The following XKR6 variants were observed in gnomAD, a reference collection of about 807,000 sequenced individuals.
The protein encoded by XKR6 is XK related 6.
In XKR6, 22 loss-of-function variants were observed where a neutral mutation model predicts 56.7. The observed-to-expected ratio is 0.39, with a 90% CI of 0.28 to 0.55. XKR6 has a LOEUF of 0.55. Ranked by LOEUF, XKR6 falls within the 20% of genes least tolerant of loss-of-function variation. XKR6 has a pLI of 0.66. For missense variants in XKR6, 852 were observed against 889.0 expected, an observed-to-expected ratio of 0.96 and a Z score of 0.53; for synonymous variants, 524 against 387.8, an observed-to-expected ratio of 1.35 and a Z score of -4.13.
chr8:10,961,454 G>A (rs998728335), intron 1 of XKR6, among the ~76,000 whole-genome samples: 7 of 152,242 alleles, frequency 4.6e-5, no homozygotes, highest in African/African-American at 1.4e-4. Context: ...GGCGGCTGGG[G>A]AAATAGGAGT....
At position 11,132,786 on chromosome 8, in the gene XKR6, C is replaced by G. The variant is rs77127210; in HGVS notation, c.764+67790G>C. ...ACGCACGCACACACACACACACACA[C>G]GCACATTTTTTTTCTTGGAAGACTT... On this transcript the variant is annotated intron_variant, in intron 1 of 2. Transcript: ENST00000416569. Among the ~76,000 whole-genome samples, 5 of 151,094 alleles carry G rather than the reference C, an allele frequency of 3.3e-5. No individual in the cohort carries two copies. In the East Asian group the frequency reaches 7.7e-4, roughly 23 times the overall value.
chr8:11,122,416 A>G (rs1370406977), intron 1 of XKR6, among the ~76,000 whole-genome samples: 1 of 152,262 alleles, frequency 6.6e-6, no homozygotes, highest in African/African-American at 2.4e-5. Flanking sequence ...ATTCAGCAGG[A>G]TGACAGGAGG....
intron 1 of XKR6, among the ~76,000 whole-genome samples, chr8:11,045,132 G>C (rs910575683): frequency 1.7e-5 from 2 of 120,760 alleles, no homozygotes; most frequent in Admixed American, 1.1e-4. Context: ...TGTCGCCCAG[G>C]CCGGAGTGCA....
At chr8:11,124,970 T>C (rs746817458) in intron 1 of XKR6, among the ~76,000 whole-genome samples, 7 of 148,372 alleles carry the variant, frequency 4.7e-5, no homozygotes, top group Non-Finnish European at 1.0e-4. Flanking sequence ...ATGCCTGTAG[T>C]CCCAGCTACT....
chr8:11,082,744 C>T (rs1797765503), intron 1 of XKR6, among the ~76,000 whole-genome samples: 1 of 152,214 alleles, frequency 6.6e-6, no homozygotes, highest in African/African-American at 2.4e-5. Context: ...TCAGGTTTGA[C>T]AGAGCCTGGC....
intron 1 of XKR6, among the ~76,000 whole-genome samples, chr8:11,069,760 T>C (rs573571141): frequency 2.0e-5 from 3 of 152,092 alleles, no homozygotes; most frequent in African/African-American, 7.2e-5. Context: ...CTCCAGAGCC[T>C]TCAGTGCACT....
chr8:11,167,401 C>T (rs892887116), intron 1 of XKR6, among the ~76,000 whole-genome samples: 2 of 152,168 alleles, frequency 1.3e-5, no homozygotes, highest in African/African-American at 4.8e-5. Flanking sequence ...TTTAGTGACT[C>T]CATTCCAACC....
chr8:10,954,754 C>T (rs189877533), intron 1 of XKR6, among the ~76,000 whole-genome samples: 78 of 151,702 alleles, frequency 5.1e-4, no homozygotes, highest in African/African-American at 1.5e-3. Flanking sequence ...TGAAGGTTTA[C>T]GCCTATGTTT....
At chr8:11,063,066 T>C (rs371570531) in intron 1 of XKR6, 7 of 342,102 alleles carry the variant, frequency 2.0e-5, no homozygotes, top group Non-Finnish European at 4.0e-5. Flanking sequence ...AAGGAATAAA[T>C]TTAAATCCTA....
intron 1 of XKR6, among the ~76,000 whole-genome samples, chr8:11,157,601 G>A (rs1010452148): frequency 1.3e-5 from 2 of 152,128 alleles, no homozygotes; most frequent in Admixed American, 6.5e-5. Context: ...CTGCAGCCTC[G>A]AATTCCTGGA....
rs753230172 is a variant in XKR6 at position 10,924,668 on chromosome 8, G to A, written c.927C>T (p.Ile309=). 1.5e-5 allele frequency: 24 copies of A among 1,612,034 alleles called. No homozygotes were observed. The Admixed American group carries it at 4.0e-4, about 27-fold the overall frequency. Residue 309 remains isoleucine, a synonymous_variant, in exon 2 of 3, where the codon ATC becomes ATT. Transcript: ENST00000416569. ...SAPQLVLQLY[I]MLQKNSAETL... The stretch of plus-strand genomic sequence containing the variant: ...TCTCGGCGCTGTTCTTCTGGAGCAT[G>A]ATGTAGAGCTGTAGCACCAGTTGGG...
chr8:10,950,674 C>T (rs907610784), intron 1 of XKR6, among the ~76,000 whole-genome samples: 8 of 152,174 alleles, frequency 5.3e-5, no homozygotes, highest in Non-Finnish European at 5.9e-5. Flanking sequence ...ATAATTCATT[C>T]GTTCATACCT....
rs1394627710 is a variant in XKR6 at position 10,897,147 on chromosome 8, T to A, written c.*805A>T. ...AGGCAAATGCTAAAATGGCACATAA[T>A]CAGCCTTCAAGTAGCTTCTCCAGCC... is the stretch of plus-strand genomic sequence containing the variant. On this transcript the variant is annotated 3_prime_UTR_variant, in exon 3 of 3. Transcript: ENST00000416569. The A allele has an allele frequency of 6.6e-6, 1 of 152,644 alleles. No individual in the cohort carries two copies. The highest frequency in any genetic ancestry group is 1.5e-5 in the Non-Finnish European group (1 of 68,036). The allele number at this position is 152,644 out of a possible 1,614,324, so 9.5% of individuals were successfully genotyped here. A position where few individuals can be genotyped will look rare whatever the true frequency, so the allele number is the denominator to read the frequency against.
At chr8:10,947,916 G>T in intron 1 of XKR6, among the ~76,000 whole-genome samples, 1 of 152,138 alleles carries the variant, frequency 6.6e-6, no homozygotes. Flanking sequence ...TTCAGCTCTG[G>T]GCTCAAATGC....
At position 11,200,528 on chromosome 8, in the gene XKR6, A is replaced by T; in HGVS notation, c.764+48T>A. ...GCCCCGCGAAGCACCGGGAGGGCGG[A>T]GGGGGGCTCCTCAGGGCCGGCCCGC... On this transcript the variant is annotated intron_variant, in intron 1 of 2. Coordinates refer to ENST00000416569, the MANE Select transcript of XKR6 (RefSeq NM_173683.4). The surrounding 1 kb of genome is among the most constrained non-coding windows in gnomAD (Gnocchi z 6.4). The T allele has an allele frequency of 7.1e-7, 1 of 1,407,364 alleles. No homozygotes were observed. Among genetic ancestry groups the T allele is most frequent in the Non-Finnish European group, 9.2e-7 (1 of 1,088,848 alleles). 87.2% of individuals were successfully genotyped at this position (1,407,364 alleles called of 1,614,324 possible). A position where few individuals can be genotyped will look rare whatever the true frequency, so the allele number is the denominator to read the frequency against.
At chr8:11,000,815 G>A (rs570058301) in intron 1 of XKR6, among the ~76,000 whole-genome samples, 40 of 152,278 alleles carry the variant, frequency 2.6e-4, no homozygotes, top group African/African-American at 6.3e-4. Flanking sequence ...GTGAAGGGCC[G>A]GAATGGAAGT....
intron 1 of XKR6, among the ~76,000 whole-genome samples, chr8:11,166,467 T>A (rs1370531885): frequency 2.6e-5 from 4 of 152,068 alleles, no homozygotes; most frequent in Non-Finnish European, 2.9e-5. Context: ...TAGTCTATGG[T>A]GGGATTTTGT....
At chr8:11,056,996 C>T (rs184986185) in intron 1 of XKR6, among the ~76,000 whole-genome samples, 5 of 152,220 alleles carry the variant, frequency 3.3e-5, no homozygotes, top group Admixed American at 1.3e-4. Flanking sequence ...CCACGTCTGA[C>T]GCCTTGTCCT....
chr8:11,069,675 A>T (rs1471084604), intron 1 of XKR6, among the ~76,000 whole-genome samples: 1 of 151,850 alleles, frequency 6.6e-6, no homozygotes, highest in Admixed American at 6.6e-5. Flanking sequence ...CAATAAGCAA[A>T]CAGAATAAAG....
Sources: gnomAD v4.1 joint callset for allele counts (sites outside exome capture counted in the v4.1 genomes callset) on GRCh38, gnomAD v4.1.1 for gene constraint, Gnocchi (gnomAD v3.1) non-coding constraint, MANE v1.5 for transcripts, NCBI Gene and HGNC (gene_info 2026-07-23, HGNC 2026-07-21) for gene names.